Variants in ZAN observed in about 807,000 individuals in gnomAD.
ZAN encodes the protein zonadhesin (gene/pseudogene).
In ZAN, 260 loss-of-function variants were observed where a neutral mutation model predicts 286.2. The observed-to-expected ratio is 0.91, with a 90% CI of 0.82 to 1.01. The LOEUF is 1.01. Ranked by LOEUF, ZAN falls within the 50% of genes least tolerant of loss-of-function variation. The probability of loss-of-function intolerance (pLI) is 0.00; values close to 1 mark genes in which losing one functional copy is unlikely to be tolerated. For synonymous variants in ZAN, 1,368 were observed against 1,417.5 expected, an observed-to-expected ratio of 0.97 and a Z score of 0.79; for missense variants, 3,410 against 3,639.2, an observed-to-expected ratio of 0.94 and a Z score of 1.62.
intron 14 of ZAN, 146 bp downstream of exon 14, chr7:100,753,375 T>C: frequency 1.0e-6 from 1 of 992,324 alleles, no homozygotes; most frequent in Non-Finnish European, 1.4e-6. Context: ...AAGTAGTCCA[T>C]GGCGACTTCA....
intron 15 of ZAN, 115 bp from the exon 16 acceptor site, chr7:100,758,087 A>G (rs933367005): frequency 1.8e-5 from 5 of 271,884 alleles, no homozygotes; most frequent in African/African-American, 1.1e-4. Flanking sequence ...CTCCATCACA[A>G]ATAAATAAAT....
chr7:100,796,652 G>C (rs1294223294), intron 45 of ZAN, among the ~76,000 whole-genome samples: 1 of 152,104 alleles, frequency 6.6e-6, no homozygotes, highest in East Asian at 1.9e-4. Context: ...CTGACCTCAG[G>C]TGATCCTGCC....
chr7:100,774,297 G>A (rs1171659339), intron 31 of ZAN, among the ~76,000 whole-genome samples: 1 of 152,158 alleles, frequency 6.6e-6, no homozygotes, highest in African/African-American at 2.4e-5. Context: ...TTGAACCCAG[G>A]AGGCAGAGGT....
intron 34 of ZAN, 35 bp from the exon 35 acceptor site, chr7:100,779,411 C>A (rs375270919): frequency 1.9e-5 from 30 of 1,565,056 alleles, no homozygotes; most frequent in African/African-American, 2.7e-5. Flanking sequence ...AGTAGGGGGA[C>A]GGCTGTCCCT....
Position 100,779,760 on chromosome 7 carries a change from C to A in ZAN, c.6622+10C>A. 6.5e-7 allele frequency: 1 copy of A among 1,544,746 alleles called. No homozygotes were observed. On this transcript the variant is annotated intron_variant, in intron 35 of 47. Transcript: ENST00000613979. ...AACAGCAGCTTCTGCCGTGAGTGTG[C>A]CCTGCTGTCACCCCAAACCCCTCCC...
chr7:100,793,856 G>A lies in ZAN; in HGVS notation c.7824G>A (p.Leu2608=). 2 of 1,612,778 alleles carry A rather than the reference G, an allele frequency of 1.2e-6. No homozygotes were observed. The highest frequency in any genetic ancestry group is 1.7e-6 in the Non-Finnish European group (2 of 1,179,234). Residue 2608 remains leucine (L), a synonymous_variant, in exon 43 of 48, where the codon CTG becomes CTA. Coordinates refer to ENST00000613979, the MANE Select transcript of ZAN (RefSeq NM_003386.3). The part of the protein sequence containing the change: ...GVSSRYHISE[L]YDTLPSILCQ... Reference sequence around the variant, plus strand: ...CCAGCAGGTACCATATATCAGAGCTGTATGACACCCTGCCCAGCATCCTGT... The same window carrying A: ...CCAGCAGGTACCATATATCAGAGCTATATGACACCCTGCCCAGCATCCTGT...
rs559921089 is a variant in ZAN at position 100,775,565 on chromosome 7, A to G, written c.6017A>G (p.His2006Arg). 2 of 1,613,550 alleles carry G rather than the reference A, an allele frequency of 1.2e-6. No individual in the cohort carries two copies. The highest frequency in any genetic ancestry group is 2.2e-5 in the South Asian group (2 of 91,074). The change falls in exon 32 of 48, where the codon CAC (histidine) becomes CGC (arginine). Residue 2006 changes from histidine to arginine, a missense_variant. By Grantham distance (29) the His-to-Arg change is conservative. Transcript: ENST00000613979. ...GCCCAGGTCACCCTGCAGAAGGGCC[A>G]CCGTGTGCTAGTGAGCTGGGTGTGG... ...YDAQVTLQKG[H>R]RVLINSKQVT...
rs775928190 is a variant in ZAN at position 100,764,021 on chromosome 7, C to T, written c.4098-6C>T. On this transcript the variant is annotated splice_polypyrimidine_tract_variant and splice_region_variant and intron_variant, in intron 21 of 47. Coordinates refer to ENST00000613979, the MANE Select transcript of ZAN (RefSeq NM_003386.3). Reference sequence around the variant, plus strand: ...GCATTCCCCCTGACTTGGTCACTCCCCTCAGGACATGCCTGCTGCACGTGA... The same window carrying T: ...GCATTCCCCCTGACTTGGTCACTCCTCTCAGGACATGCCTGCTGCACGTGA... 7 of 1,613,790 alleles carry T rather than the reference C, an allele frequency of 4.3e-6. No individual in the cohort carries two copies. In the East Asian group the frequency reaches 8.9e-5, roughly 21 times the overall value.
chr7:100,757,393 GT>G (rs1273390698), intron 15 of ZAN, among the ~76,000 whole-genome samples: 3 of 152,138 alleles, frequency 2.0e-5, no homozygotes, highest in Non-Finnish European at 4.4e-5. Context: ...TGGGGTCTTG[GT>G]TTACTCCTTC....
At chr7:100,785,075 GC>G (rs1811472136) in intron 36 of ZAN, among the ~76,000 whole-genome samples, 1 of 152,084 alleles carries the variant, frequency 6.6e-6, no homozygotes, top group South Asian at 2.1e-4. Context: ...AAGACCATGG[GC>G]TCATTTCAGC....
At position 100,746,517 on chromosome 7, in the gene ZAN, C is replaced by G. The variant is rs1480068659; in HGVS notation, c.767-21C>G. 5.0e-6 allele frequency: 8 copies of G among 1,613,314 alleles called. No individual in the cohort carries two copies. The East Asian group carries it at 1.3e-4, about 27-fold the overall frequency. ...TCCCTCAATTCCATCCACCCCAGTT[C>G]CCTGGCCTTTTGCTTCACAGGTGGC... is the stretch of plus-strand genomic sequence containing the variant. On this transcript the variant is annotated intron_variant, in intron 7 of 47. Transcript: ENST00000613979.
At chr7:100,751,068 G>C in intron 12 of ZAN, 114 bp from the exon 13 acceptor site, 1 of 1,348,696 alleles carries the variant, frequency 7.4e-7, no homozygotes, top group South Asian at 1.5e-5. Flanking sequence ...GACTGTTGAG[G>C]CTGGAACAAG....
At position 100,779,685 on chromosome 7, in the gene ZAN, C is replaced by T. The variant is rs1221540116; in HGVS notation, c.6557C>T (p.Ala2186Val). ...LYQALCQALQ[A>V]FGATCQSQGL... Reference sequence around the variant, plus strand: ...CAGGCCCTCTGCCAGGCTCTGCAAGCCTTCGGGGCCACCTGCCAGAGCCAG... The same window carrying T: ...CAGGCCCTCTGCCAGGCTCTGCAAGTCTTCGGGGCCACCTGCCAGAGCCAG... Residue 2186 changes from alanine (A) to valine (V), a missense_variant, in exon 35 of 48, where the codon GCC becomes GTC. Around this residue, in one of 7 missense-constraint regions of ZAN, gnomAD observed 1,289 missense variants for 1,314.3 expected, o/e 0.98. Transcript: ENST00000613979. 6.4e-7 allele frequency: 1 copy of T among 1,563,358 alleles called. No homozygotes were observed. Among genetic ancestry groups the T allele is most frequent in the Non-Finnish European group, 8.7e-7 (1 of 1,154,098 alleles).
In ZAN at chr7:100,775,313, T is replaced by C; in HGVS notation, c.5780-15T>C. The C allele has an allele frequency of 1.2e-6, 2 of 1,611,318 alleles. No homozygotes were observed. The highest frequency in any genetic ancestry group is 1.7e-6 in the Non-Finnish European group (2 of 1,178,786). Reference sequence around the variant, plus strand: ...AGAGGAGCGTCATAGCCCAGCTGTCTCTCTGTCCTCCCAGGTGTGGGAGTG... The same window carrying C: ...AGAGGAGCGTCATAGCCCAGCTGTCCCTCTGTCCTCCCAGGTGTGGGAGTG... On this transcript the variant is annotated splice_polypyrimidine_tract_variant and intron_variant, in intron 31 of 47. Coordinates refer to ENST00000613979, the MANE Select transcript of ZAN (RefSeq NM_003386.3).
rs761605999 is a variant in ZAN, at chr7:100,794,233, G to T, written c.8100G>T (p.Gly2700=). ...SCRAGEVCTL[G]NHTQGCFPES... ...GAGCGGGGGAGGTCTGCACCCTGGG[G>T]AACCACACCCAAGGCTGCTTTCCAG... The change falls in exon 44 of 48, where the codon GGG becomes GGT. Residue 2700 remains glycine (G), a synonymous_variant. Coordinates refer to ENST00000613979, the MANE Select transcript of ZAN (RefSeq NM_003386.3). The T allele has an allele frequency of 6.2e-7, 1 of 1,610,492 alleles. No homozygotes were observed. The highest frequency in any genetic ancestry group is 1.1e-5 in the South Asian group (1 of 90,690).
rs1562906625 is a variant in ZAN at position 100,734,235 on chromosome 7, AG to A, written c.53+19del. 4.2e-6 allele frequency: 6 copies of A among 1,427,822 alleles called. No individual in the cohort carries two copies. Among genetic ancestry groups the A allele is most frequent in the South Asian group, 1.3e-5 (1 of 79,892 alleles). The allele number at this position is 1,427,822 out of a possible 1,614,324, so 88.4% of individuals were successfully genotyped here. A position where few individuals can be genotyped will look rare whatever the true frequency, so the allele number is the denominator to read the frequency against. Reference sequence around the variant, plus strand: ...TGCCCTTTTCAGGTAAGCTGGGCCCAGGGGGTAATGATAAACCAGGGTCAGC... The same window carrying A: ...TGCCCTTTTCAGGTAAGCTGGGCCCAGGGGTAATGATAAACCAGGGTCAGC... On this transcript the variant is annotated intron_variant, in intron 2 of 47. Coordinates refer to ENST00000613979, the MANE Select transcript of ZAN (RefSeq NM_003386.3).
At position 100,755,287 on chromosome 7, in the gene ZAN, C is replaced by A. The variant is rs1425823379; in HGVS notation, c.3186C>A (p.Pro1062=). ...CTTGTCCTGCTTCGTGCAAGAGCCC[C>A]AGGCCTAGCTGTGGGCCCCTCTGTC... is the stretch of plus-strand genomic sequence containing the variant. ...SCACPASCKS[P]RPSCGPLCRE... The change falls in exon 15 of 48, where the codon CCC becomes CCA. Residue 1062 remains proline, a synonymous_variant. Transcript: ENST00000613979. 1 of 1,613,910 alleles carries A rather than the reference C, an allele frequency of 6.2e-7. No homozygotes were observed. The highest frequency in any genetic ancestry group is 1.1e-5 in the South Asian group (1 of 91,080).
rs774791038 is a variant in ZAN at position 100,767,109 on chromosome 7, C to T, written c.4712C>T (p.Pro1571Leu). The change falls in exon 25 of 48, where the codon CCT (proline) becomes CTT (leucine). Residue 1571 changes from proline to leucine, a missense_variant. By Grantham distance (98) the Pro-to-Leu change is moderately conservative (BLOSUM62 -3). This residue lies in a region of ZAN where 1,042 missense variants were observed against 1,058.0 expected (regional missense o/e 0.98). Coordinates refer to ENST00000613979, the MANE Select transcript of ZAN (RefSeq NM_003386.3). The part of the protein sequence containing the change: ...MGTCTYVLTR[P>L]CWSRSQDSYF... ...ACCTGCACCTATGTCCTGACCCGGCCTTGCTGGTCCAGGTCCCAAGACAGC... is the reference window on the plus strand; with the variant it reads ...ACCTGCACCTATGTCCTGACCCGGCTTTGCTGGTCCAGGTCCCAAGACAGC... 2.5e-6 allele frequency: 4 copies of T among 1,613,976 alleles called. No individual in the cohort carries two copies. Among genetic ancestry groups the T allele is most frequent in the Non-Finnish European group, 3.4e-6 (4 of 1,179,898 alleles).
intron 40 of ZAN, among the ~76,000 whole-genome samples, chr7:100,791,392 TCTC>T (rs932459630): frequency 1.5e-4 from 23 of 151,350 alleles, no homozygotes; most frequent in East Asian, 3.9e-4. Flanking sequence ...TCCTCCTCCT[TCTC>T]CTCCTCCTCC....
Sources: gnomAD v4.1 joint callset for allele counts (sites outside exome capture counted in the v4.1 genomes callset) on GRCh38, gnomAD v4.1.1 for gene constraint, gnomAD v4.1.1 regional missense constraint, MANE v1.5 for transcripts, NCBI Gene and HGNC (gene_info 2026-07-23, HGNC 2026-07-21) for gene names.